The following CABIN1 variants were observed in gnomAD, a reference collection of about 807,000 sequenced individuals.
The protein encoded by CABIN1 is calcineurin binding protein 1, also known as calcineurin-binding protein cabin-1.
In CABIN1, 133 loss-of-function variants were observed where a neutral mutation model predicts 227.7. That is an observed-to-expected ratio of 0.58 (90% CI 0.51 to 0.67). CABIN1 has a LOEUF of 0.67. Among genes scored for constraint, CABIN1 ranks in the 30% least tolerant of loss-of-function variants. CABIN1 has a pLI of 0.00. For synonymous variants in CABIN1, 1,086 were observed against 1,155.1 expected (o/e 0.94, Z 1.21); for missense variants, 2,408 against 2,852.5 (o/e 0.84, Z 3.55).
chr22:24,110,832 G>T (rs2042768553), intron 26 of CABIN1, among the ~76,000 whole-genome samples: 1 of 147,476 alleles, frequency 6.8e-6, no homozygotes. Flanking sequence ...TTGTATCTTT[G>T]GGTTTCAGCA....
At chr22:24,083,660 G>A (rs2040955501) in intron 20 of CABIN1, among the ~76,000 whole-genome samples, 1 of 152,164 alleles carries the variant, frequency 6.6e-6, no homozygotes, top group Non-Finnish European at 1.5e-5. Context: ...TGCTCTGGAG[G>A]GTGAGGGTAG....
At chr22:24,174,011 T>A (rs1387904158) in intron 34 of CABIN1, among the ~76,000 whole-genome samples, 12 of 151,828 alleles carry the variant, frequency 7.9e-5, no homozygotes, top group Admixed American at 1.3e-4. Context: ...TTTTAATTTT[T>A]ATTTTTTATT....
chr22:24,175,756 GA>G, intron 34 of CABIN1: 1 of 410,696 alleles, frequency 2.4e-6, no homozygotes, highest in South Asian at 2.3e-5. Context: ...ATGTGAGCTG[GA>G]GGGAGAGTGG....
At chr22:24,148,395 G>A (rs2045281587) in intron 29 of CABIN1, among the ~76,000 whole-genome samples, 1 of 152,234 alleles carries the variant, frequency 6.6e-6, no homozygotes, top group Non-Finnish European at 1.5e-5. Flanking sequence ...AAGCAGTCCT[G>A]AGGGCTCCCA....
At chr22:24,147,313 C>T (rs1372320661) in intron 29 of CABIN1, among the ~76,000 whole-genome samples, 4 of 114,240 alleles carry the variant, frequency 3.5e-5, no homozygotes, top group African/African-American at 1.3e-4. Flanking sequence ...CTCTGCCTCC[C>T]TCCCTCCCTC....
intron 21 of CABIN1, 28 bp from the exon 22 acceptor site, chr22:24,084,978 C>G: frequency 6.2e-7 from 1 of 1,614,142 alleles, no homozygotes; most frequent in South Asian, 1.1e-5. Context: ...ACTCCACCTC[C>G]CCTCATACTT....
chr22:24,078,844 C>G (rs2040612291), intron 19 of CABIN1, among the ~76,000 whole-genome samples: 1 of 152,148 alleles, frequency 6.6e-6, no homozygotes, highest in Non-Finnish European at 1.5e-5. Flanking sequence ...CCCTCACTCT[C>G]TTGAAGCTGG....
rs1157577745 is a variant in CABIN1 at position 24,166,805 on chromosome 22, T to A, written c.5174T>A (p.Val1725Glu). The A allele has an allele frequency of 6.2e-7, 1 of 1,612,934 alleles. No homozygotes were observed. Among genetic ancestry groups the A allele is most frequent in the Non-Finnish European group, 8.5e-7 (1 of 1,179,960 alleles). The change falls in exon 32 of 37, where the codon GTG (valine) becomes GAG (glutamate). Residue 1725 changes from valine (V) to glutamate (E), a missense_variant. Around this residue, in one of 3 missense-constraint regions of CABIN1, gnomAD observed 714 missense variants for 773.8 expected, o/e 0.92. Transcript: ENST00000263119. ...SGPGPEPGGKVGLLNHRPVAM... is the reference protein window; with the variant it reads ...SGPGPEPGGKEGLLNHRPVAM... ...CCAGGGCCCGAGCCAGGAGGCAAAGTGGGCCTCCTCAACCACCGGCCTGTG... is the reference window on the plus strand; with the variant it reads ...CCAGGGCCCGAGCCAGGAGGCAAAGAGGGCCTCCTCAACCACCGGCCTGTG...
chr22:24,093,968 A>G (rs1239056423), intron 24 of CABIN1, among the ~76,000 whole-genome samples: 1 of 152,136 alleles, frequency 6.6e-6, no homozygotes, highest in African/African-American at 2.4e-5. Flanking sequence ...GTTGAACGCT[A>G]TCTCAGGAGC....
chr22:24,091,434 G>C (rs1357448611), intron 23 of CABIN1, 149 bp from the exon 24 acceptor site: 25 of 992,858 alleles, frequency 2.5e-5, no homozygotes, highest in Non-Finnish European at 3.4e-5. Context: ...GGTGTCACCA[G>C]CTGTGAAATG....
At position 24,177,808 on chromosome 22, in the gene CABIN1, G is replaced by A; in HGVS notation, c.6510G>A (p.Gln2170=). Residue 2170 remains glutamine, a synonymous_variant, in exon 36 of 37, where the codon CAG becomes CAA. Transcript: ENST00000263119. This position sits in a 1 kb window ranked among gnomAD's most constrained non-coding sequence, Gnocchi z 4.4. ...GCAGCATCTCGGAGGAGACCAAGCA[G>A]AAGCTGAAGGTGACCTCAGGGGCTG... ...PKGSISEETK[Q]KLKSAILSAQ... 6.2e-7 allele frequency: 1 copy of A among 1,606,832 alleles called. No individual in the cohort carries two copies. Among genetic ancestry groups the A allele is most frequent in the South Asian group, 1.1e-5 (1 of 90,470 alleles).
At chr22:24,064,323 A>T in intron 15 of CABIN1, 136 bp downstream of exon 15, 1 of 957,294 alleles carries the variant, frequency 1.0e-6, no homozygotes, top group Non-Finnish European at 1.6e-6. Context: ...CTCCTGCCTC[A>T]GCCTCCTGAG....
chr22:24,083,421 G>A, intron 20 of CABIN1, 32 bp downstream of exon 20: 2 of 1,612,444 alleles, frequency 1.2e-6, no homozygotes, highest in Non-Finnish European at 1.7e-6. Flanking sequence ...CAACAAAGAG[G>A]GAAGCAGGAG....
chr22:24,093,701 A>AC (rs945998742), intron 24 of CABIN1, among the ~76,000 whole-genome samples: 8 of 150,716 alleles, frequency 5.3e-5, no homozygotes, highest in South Asian at 2.1e-4. Flanking sequence ...ACATGATGAG[A>AC]CCCCCCCATC....
At chr22:24,090,843 A>G (rs533458702) in intron 23 of CABIN1, among the ~76,000 whole-genome samples, 1 of 152,212 alleles carries the variant, frequency 6.6e-6, no homozygotes, top group East Asian at 1.9e-4. Flanking sequence ...TGGGCTGCTC[A>G]GAGCAGCTCT....
At chr22:24,057,495 A>G (rs549396875) in intron 10 of CABIN1, among the ~76,000 whole-genome samples, 3 of 152,260 alleles carry the variant, frequency 2.0e-5, no homozygotes, top group Non-Finnish European at 2.9e-5. Flanking sequence ...TTGTGAGTTT[A>G]TACCTTTTTT....
chr22:24,059,128 T>C, intron 10 of CABIN1, 99 bp from the exon 11 acceptor site: 1 of 1,519,670 alleles, frequency 6.6e-7, no homozygotes, highest in South Asian at 1.1e-5. Flanking sequence ...TTTAGCTGCC[T>C]TCTTCCTGAC....
intron 27 of CABIN1, among the ~76,000 whole-genome samples, chr22:24,115,663 C>T (rs1004924364): frequency 1.3e-5 from 2 of 152,248 alleles, no homozygotes; most frequent in Non-Finnish European, 2.9e-5. Flanking sequence ...ACGCACTCCC[C>T]TGATCTCCCA....
At chr22:24,162,993 GT>G (rs753446181) in intron 29 of CABIN1, among the ~76,000 whole-genome samples, 2 of 152,192 alleles carry the variant, frequency 1.3e-5, no homozygotes, top group Non-Finnish European at 2.9e-5. Flanking sequence ...GGTGCCTACT[GT>G]AGATAGACCC....
Sources: allele counts gnomAD v4.1 joint callset (sites outside exome capture counted in the v4.1 genomes callset), GRCh38; gene constraint gnomAD v4.1.1; regional missense constraint gnomAD v4.1.1; non-coding constraint Gnocchi (gnomAD v3.1); transcripts MANE v1.5; gene names NCBI Gene and HGNC (gene_info 2026-07-23, HGNC 2026-07-21).